The following PCDHA12 variants were observed in gnomAD, a reference collection of about 807,000 sequenced individuals.
The protein encoded by PCDHA12 is protocadherin alpha 12.
Under a neutral mutation model 60.0 loss-of-function variants are expected in PCDHA12, and 44 were observed. That is an observed-to-expected ratio of 0.73 (90% CI 0.58 to 0.94). PCDHA12 has a LOEUF of 0.94. Among genes scored for constraint, PCDHA12 ranks in the 40% least tolerant of loss-of-function variants. The pLI is 0.00. For missense variants in PCDHA12, 1,276 were observed against 1,239.7 expected (o/e 1.03, Z -0.44); for synonymous variants, 569 against 553.0 (o/e 1.03, Z -0.40).
chr5:140,929,058 A>G (rs372120484), intron 1 of PCDHA12: 2 of 1,614,072 alleles, frequency 1.2e-6, no homozygotes, highest in African/African-American at 2.7e-5. Context: ...GTCGCTCTAC[A>G]GAGGATCTGA....
At chr5:141,004,573 G>A (rs2098171340) in intron 3 of PCDHA12, among the ~76,000 whole-genome samples, 1 of 152,220 alleles carries the variant, frequency 6.6e-6, no homozygotes, top group South Asian at 2.1e-4. Context: ...ATATCTCTGT[G>A]TTCTGCATCT....
At chr5:140,899,423 G>A (rs2067323431) in intron 1 of PCDHA12, among the ~76,000 whole-genome samples, 1 of 152,134 alleles carries the variant, frequency 6.6e-6, no homozygotes. Context: ...TTTGTCAAAG[G>A]TCTTTTCTGC....
At chr5:140,909,872 G>A (rs1245615872) in intron 1 of PCDHA12, among the ~76,000 whole-genome samples, 2 of 152,182 alleles carry the variant, frequency 1.3e-5, no homozygotes, top group African/African-American at 4.8e-5. Flanking sequence ...GTCAACGTCA[G>A]CTTAGAGACA....
intron 1 of PCDHA12, chr5:140,966,941 G>C (rs1554228938): frequency 1.9e-6 from 3 of 1,604,498 alleles, no homozygotes; most frequent in Non-Finnish European, 2.5e-6. Context: ...CGCGCTCGTG[G>C]GCAACGTGGC....
chr5:140,912,235 C>G (rs562096532), intron 1 of PCDHA12, among the ~76,000 whole-genome samples: 2 of 151,858 alleles, frequency 1.3e-5, no homozygotes, highest in South Asian at 4.2e-4. Context: ...TCCACTGACT[C>G]AAATGTTAAT....
At chr5:140,960,763 C>A (rs1424215578) in intron 1 of PCDHA12, among the ~76,000 whole-genome samples, 1 of 151,896 alleles carries the variant, frequency 6.6e-6, no homozygotes, top group Non-Finnish European at 1.5e-5. Flanking sequence ...CCAAGAGTTA[C>A]AGAGGAGAAA....
chr5:140,953,045 C>A (rs1414124229), intron 1 of PCDHA12, among the ~76,000 whole-genome samples: 2 of 152,288 alleles, frequency 1.3e-5, no homozygotes, highest in Admixed American at 6.5e-5. Flanking sequence ...CCCCATGATC[C>A]AATCACCTCT....
chr5:140,927,432 C>G lies in PCDHA12; in HGVS notation c.2367+49593C>G, dbSNP rs781874569. The G allele has an allele frequency of 6.8e-6, 11 of 1,614,124 alleles. No homozygotes were observed. The East Asian group carries it at 2.5e-4, about 36-fold the overall frequency. On this transcript the variant is annotated intron_variant, in intron 1 of 3. Transcript: ENST00000398631. Reference sequence around the variant, plus strand: ...ACATGGGATCGCGGGTTGACGGCAGCGAATACCCGGAGTTGGTGTTGGAGA... The same window carrying G: ...ACATGGGATCGCGGGTTGACGGCAGGGAATACCCGGAGTTGGTGTTGGAGA...
intron 1 of PCDHA12, among the ~76,000 whole-genome samples, chr5:140,942,305 G>A (rs2093264176): frequency 6.6e-6 from 1 of 152,106 alleles, no homozygotes; most frequent in Non-Finnish European, 1.5e-5. Context: ...AGCTACTTGG[G>A]AGGTCGAGGC....
In PCDHA12 at chr5:141,011,207, G is replaced by A. The variant is rs79928365; in HGVS notation, c.*1270G>A. On this transcript the variant is annotated 3_prime_UTR_variant, in exon 4 of 4. Coordinates refer to ENST00000398631, the MANE Select transcript of PCDHA12 (RefSeq NM_018903.4). Reference sequence around the variant, plus strand: ...GAAAAATATTGTTTTCTCATACAGTGAGCAGATTTTTCAATCTACTAATTC... The same window carrying A: ...GAAAAATATTGTTTTCTCATACAGTAAGCAGATTTTTCAATCTACTAATTC... 325 of 153,804 alleles carry A rather than the reference G, an allele frequency of 2.1e-3. 2 individuals are homozygous for A. The highest frequency in any genetic ancestry group is 7.1e-3 in the African/African-American group (293 of 41,546). 9.5% of individuals were successfully genotyped at this position (153,804 alleles called of 1,614,324 possible). A position where few individuals can be genotyped will look rare whatever the true frequency, so the allele number is the denominator to read the frequency against.
At chr5:140,927,808 T>A (rs782535814) in intron 1 of PCDHA12, 1 of 1,614,208 alleles carries the variant, frequency 6.2e-7, no homozygotes, top group African/African-American at 1.3e-5. Context: ...TGAAACGCTC[T>A]TGGAGGCATA....
At chr5:140,985,607 C>T (rs1554247195) in intron 3 of PCDHA12, among the ~76,000 whole-genome samples, 1 of 152,156 alleles carries the variant, frequency 6.6e-6, no homozygotes, top group Non-Finnish European at 1.5e-5. Flanking sequence ...GAGCCCTTTC[C>T]GTGAACCAGC....
chr5:140,965,834 G>T (rs1018708290), intron 1 of PCDHA12, among the ~76,000 whole-genome samples: 1 of 152,128 alleles, frequency 6.6e-6, no homozygotes, highest in Admixed American at 6.5e-5. Context: ...TTAAATATTG[G>T]TTATTTGCCA....
chr5:140,882,404 G>T, intron 1 of PCDHA12: 1 of 1,614,152 alleles, frequency 6.2e-7, no homozygotes, highest in Non-Finnish European at 8.5e-7. Context: ...CACCTTCGTG[G>T]GCCGCATCGC....
chr5:140,899,653 T>C (rs1478658505), intron 1 of PCDHA12, among the ~76,000 whole-genome samples: 1 of 152,220 alleles, frequency 6.6e-6, no homozygotes, highest in African/African-American at 2.4e-5. Context: ...TATTTGGTTG[T>C]GTCTCTGCCC....
intron 1 of PCDHA12, among the ~76,000 whole-genome samples, chr5:140,925,197 A>G (rs1259349657): frequency 1.3e-5 from 2 of 152,310 alleles, no homozygotes; most frequent in East Asian, 3.9e-4. Context: ...CCCAGCTTCA[A>G]TAATTATCGA....
intron 1 of PCDHA12, among the ~76,000 whole-genome samples, chr5:140,906,323 A>G (rs1487570044): frequency 1.3e-5 from 2 of 152,212 alleles, no homozygotes; most frequent in Non-Finnish European, 2.9e-5. Context: ...AACATGATAC[A>G]ACTATCCTTC....
intron 1 of PCDHA12, chr5:140,929,567 A>G (rs566554100): frequency 7.2e-5 from 33 of 456,594 alleles, no homozygotes; most frequent in Admixed American, 1.2e-4. Flanking sequence ...ATTTAAGAAC[A>G]ATAAAAGTAA....
Position 140,876,555 on chromosome 5 carries a change from G to A in PCDHA12, c.1083G>A (p.Glu361=), listed in dbSNP as rs782622293. 1.1e-5 allele frequency: 18 copies of A among 1,614,072 alleles called. No homozygotes were observed. The highest frequency in any genetic ancestry group is 3.3e-5 in the Admixed American group (2 of 60,012). The change falls in exon 1 of 4, where the codon GAG becomes GAA. Residue 361 remains glutamate, a synonymous_variant. Transcript: ENST00000398631. ...MVTSLSLPVQ[E]DAQVGTVIAL... The stretch of plus-strand genomic sequence containing the variant: ...CTTCACTGTCGCTCCCTGTGCAAGA[G>A]GATGCTCAGGTGGGTACCGTCATTG...
Sources: allele counts gnomAD v4.1 joint callset (sites outside exome capture counted in the v4.1 genomes callset), GRCh38; gene constraint gnomAD v4.1.1; transcripts MANE v1.5; gene names NCBI Gene and HGNC (gene_info 2026-07-23, HGNC 2026-07-21).